Variants in ALKAL1 observed in about 807,000 individuals in gnomAD.
The protein encoded by ALKAL1 is AUG-beta.
ALKAL1 carries 23 observed loss-of-function variants against 13.5 expected under a neutral mutation model. The ratio of observed to expected loss-of-function variants is 1.70; its 90% confidence interval spans 1.23 to 2.41. ALKAL1 has a LOEUF of 2.41. Among genes scored for constraint, ALKAL1 ranks in the 30% most tolerant of loss-of-function variants. The pLI is 0.00. For synonymous variants in ALKAL1, 85 were observed against 77.7 expected (o/e 1.09, Z -0.49); for missense variants, 181 against 178.4 (o/e 1.01, Z -0.08).
At chr8:52,559,119 A>ACCC (rs926638838) in intron 1 of ALKAL1, among the ~76,000 whole-genome samples, 9 of 151,976 alleles carry the variant, frequency 5.9e-5, no homozygotes, top group Non-Finnish European at 8.8e-5. Flanking sequence ...TGAGGGATCC[A>ACCC]CCCCCATGAC....
chr8:52,560,752 T>A (rs1847541338), intron 1 of ALKAL1, among the ~76,000 whole-genome samples: 1 of 150,194 alleles, frequency 6.7e-6, no homozygotes, highest in African/African-American at 2.4e-5. Context: ...TTCCTCTAAG[T>A]TAGCTTTGGC....
rs143332074 is a variant in ALKAL1, at chr8:52,542,847, A to C, written c.191-402T>G. 1.4e-3 allele frequency among the ~76,000 whole-genome samples: 214 copies of C among 152,334 alleles called. 1 individual carries two copies. The highest frequency in any genetic ancestry group is 4.9e-3 in the African/African-American group (205 of 41,586). On this transcript the variant is annotated intron_variant, in intron 1 of 4. Coordinates refer to ENST00000358543, the MANE Select transcript of ALKAL1 (RefSeq NM_207413.4). The stretch of plus-strand genomic sequence containing the variant: ...CACCCCTACACCCAAACCATGAGTT[A>C]GTTTTATGTATTTCACCTTCAACAA...
intron 1 of ALKAL1, among the ~76,000 whole-genome samples, chr8:52,556,835 T>G (rs1331123734): frequency 6.6e-6 from 1 of 152,110 alleles, no homozygotes; most frequent in Admixed American, 6.5e-5. Context: ...TCTTTTATTT[T>G]TGCTATATCT....
intron 1 of ALKAL1, among the ~76,000 whole-genome samples, chr8:52,550,152 A>G (rs1470793641): frequency 6.6e-6 from 1 of 152,028 alleles, no homozygotes; most frequent in East Asian, 1.9e-4. Flanking sequence ...TATGTGTGTA[A>G]CTCTCTTTTT....
At chr8:52,536,357 A>G (rs1190655013) in intron 4 of ALKAL1, among the ~76,000 whole-genome samples, 1 of 152,246 alleles carries the variant, frequency 6.6e-6, no homozygotes, top group East Asian at 1.9e-4. Context: ...ACACTGCAAA[A>G]GAACTACTGA....
chr8:52,539,937 T>C (rs1446047073), intron 2 of ALKAL1, 26 bp from the exon 3 acceptor site: 1 of 1,597,950 alleles, frequency 6.3e-7, no homozygotes. Context: ...AGAATGCTTA[T>C]TATAAACATA....
chr8:52,536,858 C>T (rs936030556), intron 4 of ALKAL1, among the ~76,000 whole-genome samples: 1 of 152,172 alleles, frequency 6.6e-6, no homozygotes, highest in Non-Finnish European at 1.5e-5. Context: ...TATTTTAATT[C>T]AATCACTGTT....
At chr8:52,546,423 C>A (rs533112236) in intron 1 of ALKAL1, among the ~76,000 whole-genome samples, 1 of 152,296 alleles carries the variant, frequency 6.6e-6, no homozygotes, top group South Asian at 2.1e-4. Context: ...AAATAATAGA[C>A]GCTAGGAATA....
chr8:52,562,429 G>C (rs1847559959), intron 1 of ALKAL1, among the ~76,000 whole-genome samples: 2 of 152,234 alleles, frequency 1.3e-5, no homozygotes, highest in Admixed American at 1.3e-4. Context: ...CTAAATGAGA[G>C]GACGGATACA....
chr8:52,548,655 G>C (rs867833434), intron 1 of ALKAL1, among the ~76,000 whole-genome samples: 15 of 151,628 alleles, frequency 9.9e-5, no homozygotes, highest in African/African-American at 3.6e-4. Context: ...TCATTCCTGT[G>C]ATATATAATT....
intron 1 of ALKAL1, among the ~76,000 whole-genome samples, chr8:52,554,968 G>A (rs910138714): frequency 2.6e-5 from 4 of 152,060 alleles, no homozygotes; most frequent in African/African-American, 7.2e-5. Flanking sequence ...TCAGGAGATC[G>A]AGACCATCCT....
At chr8:52,549,267 AT>A (rs1847404261) in intron 1 of ALKAL1, among the ~76,000 whole-genome samples, 1 of 152,214 alleles carries the variant, frequency 6.6e-6, no homozygotes, top group African/African-American at 2.4e-5. Flanking sequence ...AAATCTAATC[AT>A]TGTATAACAA....
At chr8:52,554,953 C>A (rs543259385) in intron 1 of ALKAL1, among the ~76,000 whole-genome samples, 1 of 152,194 alleles carries the variant, frequency 6.6e-6, no homozygotes, top group East Asian at 1.9e-4. Flanking sequence ...GGGCGGATCA[C>A]GAGGTCAGGA....
At chr8:52,560,831 T>C (rs554652564) in intron 1 of ALKAL1, among the ~76,000 whole-genome samples, 1 of 152,294 alleles carries the variant, frequency 6.6e-6, no homozygotes, top group African/African-American at 2.4e-5. Flanking sequence ...TGGTCATATA[T>C]ATAACCTGCC....
rs770986649 is a variant in ALKAL1, at chr8:52,542,376, T to TA, written c.244+15dup. 1.4e-6 allele frequency: 2 copies of TA among 1,473,818 alleles called. No individual in the cohort carries two copies. Among genetic ancestry groups the TA allele is most frequent in the African/African-American group, 1.4e-5 (1 of 71,422 alleles). The allele number at this position is 1,473,818 out of a possible 1,614,324, so 91.3% of individuals were successfully genotyped here. ...TTTATTTAGTTAATGGAATCACTGA[T>TA]ACATTTTGTACTTACCTGTGAAATG... On this transcript the variant is annotated intron_variant, in intron 2 of 4. Coordinates refer to ENST00000358543, the MANE Select transcript of ALKAL1 (RefSeq NM_207413.4).
At chr8:52,548,340 C>T (rs563975271) in intron 1 of ALKAL1, among the ~76,000 whole-genome samples, 20 of 150,878 alleles carry the variant, frequency 1.3e-4, no homozygotes, top group South Asian at 1.3e-3. Flanking sequence ...AGCGAGACTC[C>T]GTCTCAAAAG....
chr8:52,535,071 A>G (rs1177280644), intron 4 of ALKAL1, among the ~76,000 whole-genome samples: 1 of 152,206 alleles, frequency 6.6e-6, no homozygotes, highest in African/African-American at 2.4e-5. Context: ...TGTGTACATT[A>G]TCTTAAATTA....
At chr8:52,556,745 A>G (rs924069416) in intron 1 of ALKAL1, among the ~76,000 whole-genome samples, 1 of 152,182 alleles carries the variant, frequency 6.6e-6, no homozygotes, top group Middle Eastern at 3.4e-3. Flanking sequence ...ATTCATCAAC[A>G]AATGAGATAA....
chr8:52,565,188 G>A lies in ALKAL1; in HGVS notation c.69C>T (p.His23=). The A allele has an allele frequency of 7.3e-7, 1 of 1,365,142 alleles. No individual in the cohort carries two copies. Among genetic ancestry groups the A allele is most frequent in the South Asian group, 1.8e-5 (1 of 56,920 alleles). 84.6% of individuals were successfully genotyped at this position (1,365,142 alleles called of 1,614,324 possible). The change falls in exon 1 of 5, where the codon CAC becomes CAT. Residue 23 remains histidine (H), a synonymous_variant. Coordinates refer to ENST00000358543, the MANE Select transcript of ALKAL1 (RefSeq NM_207413.4). The part of the protein sequence containing the change: ...LFLLALALSP[H]GAHGRPRGRR... The stretch of plus-strand genomic sequence containing the variant: ...GCCCCCGGGGCCTCCCGTGGGCTCC[G>A]TGCGGGGACAAAGCCAGCGCCAGCA...
Sources: gnomAD v4.1 joint callset for allele counts (sites outside exome capture counted in the v4.1 genomes callset) on GRCh38, gnomAD v4.1.1 for gene constraint, MANE v1.5 for transcripts, NCBI Gene and HGNC (gene_info 2026-07-23, HGNC 2026-07-21) for gene names.